TOMM20L: variants seen among roughly 807,000 people sequenced by gnomAD.
TOMM20L encodes the protein translocase of outer mitochondrial membrane 20 like.
Under a neutral mutation model 20.4 loss-of-function variants are expected in TOMM20L, and 19 were observed. The ratio of observed to expected loss-of-function variants is 0.93; its 90% CI spans 0.65 to 1.36. The LOEUF is 1.36. Among genes scored for constraint, TOMM20L ranks in the 40% most tolerant of loss-of-function variants. The probability of loss-of-function intolerance (pLI) is 0.00; values close to 1 mark genes in which losing one functional copy is unlikely to be tolerated. For synonymous variants in TOMM20L, 75 were observed against 79.6 expected (o/e 0.94, Z 0.30); for missense variants, 218 against 203.7 (o/e 1.07, Z -0.43).
chr14:58,407,499 T>A (rs1231963221), intron 4 of TOMM20L, 31 bp downstream of exon 4: 1 of 1,596,674 alleles, frequency 6.3e-7, no homozygotes, highest in African/African-American at 1.3e-5. Context: ...CTTTGTGAAA[T>A]GTACACAGTA....
downstream of TOMM20L, among the ~76,000 whole-genome samples, chr14:58,410,409 C>G (rs1452211396): frequency 6.6e-6 from 1 of 150,860 alleles, no homozygotes; most frequent in East Asian, 1.9e-4. Context: ...CAGAGCGAGA[C>G]CCTGTCTTAA....
chr14:58,411,994 G>A, downstream of TOMM20L: 1 of 1,565,126 alleles, frequency 6.4e-7, no homozygotes, highest in East Asian at 2.2e-5. Context: ...TTCAAAACAA[G>A]TTTGTCAATC....
intron 2 of TOMM20L, among the ~76,000 whole-genome samples, 165 bp from the exon 3 acceptor site, chr14:58,402,515 C>T (rs1209910138): frequency 6.6e-6 from 1 of 152,020 alleles, no homozygotes; most frequent in South Asian, 2.1e-4. Context: ...CTCGAACTCC[C>T]GACCTCAGGT....
downstream of TOMM20L, chr14:58,412,125 A>C: frequency 1.8e-6 from 1 of 564,044 alleles, no homozygotes; most frequent in Non-Finnish European, 3.1e-6. Flanking sequence ...TGACCATAGA[A>C]CCTTACAGTT....
At chr14:58,416,206 T>C in the TOMM20L span, among the ~76,000 whole-genome samples, 8 of 152,134 alleles carry the variant, frequency 5.3e-5, 1 homozygote, top group South Asian at 6.2e-4. Context: ...CCAGCCTGGG[T>C]GACAGAGTGA....
At chr14:58,408,906 CA>C, downstream of TOMM20L, 1 of 1,386,032 alleles carries the variant, frequency 7.2e-7, no homozygotes, top group South Asian at 1.5e-5. Context: ...TTCCATTTGC[CA>C]AACAGTCATG....
chr14:58,400,306 G>C (rs2035978176), intron 2 of TOMM20L, among the ~76,000 whole-genome samples: 1 of 151,712 alleles, frequency 6.6e-6, no homozygotes, highest in African/African-American at 2.4e-5. Context: ...CTGGGAGGCT[G>C]AGGCAAGAGA....
intron 2 of TOMM20L, among the ~76,000 whole-genome samples, chr14:58,397,370 T>C (rs988221958): frequency 1.3e-5 from 2 of 152,210 alleles, no homozygotes; most frequent in African/African-American, 4.8e-5. Flanking sequence ...GTACCACTTC[T>C]GGCAACATTG....
downstream of TOMM20L, among the ~76,000 whole-genome samples, chr14:58,409,806 C>T (rs375481995): frequency 4.9e-4 from 74 of 151,996 alleles, 1 homozygote; most frequent in Middle Eastern, 3.4e-3. Flanking sequence ...TCTTGATCTC[C>T]TGACCTCGTG....
chr14:58,414,659 C>A, the TOMM20L span, among the ~76,000 whole-genome samples: 4 of 151,342 alleles, frequency 2.6e-5, no homozygotes, highest in South Asian at 6.3e-4. Context: ...AACTGCTTGA[C>A]CCCTTGGGCG....
At chr14:58,401,159 T>C (rs2035988137) in intron 2 of TOMM20L, among the ~76,000 whole-genome samples, 1 of 152,198 alleles carries the variant, frequency 6.6e-6, no homozygotes, top group African/African-American at 2.4e-5. Flanking sequence ...GGGGTCTTGG[T>C]CTCCAATTCC....
At chr14:58,407,918 T>C (rs2036086988) in intron 4 of TOMM20L, among the ~76,000 whole-genome samples, 1 of 152,224 alleles carries the variant, frequency 6.6e-6, no homozygotes, top group Non-Finnish European at 1.5e-5. Flanking sequence ...CTGCAAATGC[T>C]TGGATTCATT....
chr14:58,408,553 C>G lies in TOMM20L; in HGVS notation c.430C>G (p.Gln144Glu). The G allele has an allele frequency of 6.2e-7, 1 of 1,613,920 alleles. No homozygotes were observed. The highest frequency in any genetic ancestry group is 1.1e-5 in the South Asian group (1 of 91,038). The change falls in exon 5 of 5, where the codon CAG becomes GAG. Residue 144 changes from glutamine (Q) to glutamate (E), a missense_variant. Coordinates refer to ENST00000360945, the MANE Select transcript of TOMM20L (RefSeq NM_207377.3). ...CQQFEADMNE[Q>E]DCLEDDPD ...GCAATTTGAGGCAGACATGAATGAA[C>G]AGGACTGCTTGGAGGATGATCCTGA...
At chr14:58,400,268 G>A (rs2035977589) in intron 2 of TOMM20L, among the ~76,000 whole-genome samples, 1 of 151,712 alleles carries the variant, frequency 6.6e-6, no homozygotes, top group Admixed American at 6.6e-5. Context: ...AGCCAGGCAT[G>A]GTGGCGCACG....
In TOMM20L at chr14:58,407,360, T is replaced by A. The variant is rs914923821; in HGVS notation, c.297T>A (p.Asn99Lys). 1.9e-6 allele frequency: 3 copies of A among 1,612,218 alleles called. No individual in the cohort carries two copies. Among genetic ancestry groups the A allele is most frequent in the Non-Finnish European group, 2.5e-6 (3 of 1,179,346 alleles). ...GAATGGGGATTCAACACCTCGGCAA[T>A]GCCCTTTTAGTGTGCGAGCAACCAC... ...EHRMGIQHLG[N>K]ALLVCEQPRE... The change falls in exon 4 of 5, where the codon AAT becomes AAA. Residue 99 changes from asparagine (N) to lysine (K), a missense_variant. By Grantham distance (94) the Asn-to-Lys change is moderately conservative. Transcript: ENST00000360945.
chr14:58,399,960 A>C (rs1192122392), intron 2 of TOMM20L, among the ~76,000 whole-genome samples: 2 of 135,750 alleles, frequency 1.5e-5, no homozygotes, highest in Non-Finnish European at 3.1e-5. Flanking sequence ...ACTTCCCTGC[A>C]ACTAAAGGCT....
At chr14:58,397,687 G>C (rs546562063) in intron 2 of TOMM20L, among the ~76,000 whole-genome samples, 29 of 152,336 alleles carry the variant, frequency 1.9e-4, no homozygotes, top group Middle Eastern at 3.4e-3. Flanking sequence ...CTGAGGAATA[G>C]TGGGTGGTAA....
intron 3 of TOMM20L, among the ~76,000 whole-genome samples, chr14:58,403,286 G>A (rs6573201): frequency 0.98 from 149,742 of 152,292 alleles, 73,665 homozygotes; most frequent in East Asian, 1. Flanking sequence ...TGAGCCCAGG[G>A]GTTTGAGGTT....
intron 2 of TOMM20L, among the ~76,000 whole-genome samples, chr14:58,396,668 G>C (rs147359152): frequency 2.4e-4 from 36 of 152,368 alleles, no homozygotes; most frequent in Non-Finnish European, 4.7e-4. Flanking sequence ...AAAAACCCAG[G>C]CTGGCCACGG....
Sources: allele counts gnomAD v4.1 joint callset (sites outside exome capture counted in the v4.1 genomes callset), GRCh38; gene constraint gnomAD v4.1.1; transcripts MANE v1.5; gene names NCBI Gene and HGNC (gene_info 2026-07-23, HGNC 2026-07-21).